The following PID1 variants were observed in gnomAD, a reference collection of about 807,000 sequenced individuals.
The protein encoded by PID1 is PTB-containing, cubilin and LRP1-interacting protein.
PID1 carries 10 observed loss-of-function variants against 19.1 expected under a neutral mutation model. That is an observed-to-expected ratio of 0.52 (90% CI 0.32 to 0.89). The LOEUF (loss-of-function observed/expected upper bound fraction) is 0.89, where lower values mean the gene tolerates loss of function less well. PID1 is among the 40% of genes least tolerant of loss of function. The pLI is 0.03. For synonymous variants in PID1, 130 were observed against 116.0 expected, an observed-to-expected ratio of 1.12 and a Z score of -0.78; for missense variants, 248 against 285.3, an observed-to-expected ratio of 0.87 and a Z score of 0.94.
At chr2:229,250,045 T>C (rs1453170615) in intron 1 of PID1, among the ~76,000 whole-genome samples, 2 of 152,204 alleles carry the variant, frequency 1.3e-5, no homozygotes, top group Non-Finnish European at 2.9e-5. Flanking sequence ...CACTTTTTTA[T>C]AAACACTAAC....
At chr2:229,122,494 G>A (rs1168342745) in intron 2 of PID1, among the ~76,000 whole-genome samples, 1 of 151,954 alleles carries the variant, frequency 6.6e-6, no homozygotes, top group East Asian at 1.9e-4. Context: ...TTTCCCCAGG[G>A]ACACAGCGCC....
chr2:229,190,853 C>T (rs1424166797), intron 1 of PID1, among the ~76,000 whole-genome samples: 1 of 152,162 alleles, frequency 6.6e-6, no homozygotes, highest in African/African-American at 2.4e-5. Flanking sequence ...TACATGCACT[C>T]TCAACAGGGA....
intron 2 of PID1, among the ~76,000 whole-genome samples, chr2:229,089,987 G>T (rs913802831): frequency 1.4e-4 from 22 of 152,146 alleles, no homozygotes; most frequent in African/African-American, 5.3e-4. Context: ...CATTTGGTTA[G>T]AACAAGTTAC....
At chr2:229,114,110 TCTTTC>T (rs1695357862) in intron 2 of PID1, among the ~76,000 whole-genome samples, 1 of 66,050 alleles carries the variant, frequency 1.5e-5, no homozygotes, top group Non-Finnish European at 3.0e-5. Context: ...CATCTCTCTC[TCTTTC>T]TCTCTCTCTC....
chr2:229,049,360 GT>G lies in PID1; in HGVS notation c.178-23253del, dbSNP rs1574584843. On this transcript the variant is annotated intron_variant, in intron 2 of 2. Coordinates refer to ENST00000392055, the MANE Select transcript of PID1 (RefSeq NM_001100818.2). ...ACCCTCTTTGTTTCCACAGAGGGTGGTTTATCTTCTTTCTAATATTTATAGT... is the reference window on the plus strand; with the variant it reads ...ACCCTCTTTGTTTCCACAGAGGGTGGTTATCTTCTTTCTAATATTTATAGT... 2.0e-5 allele frequency among the ~76,000 whole-genome samples: 3 copies of G among 152,202 alleles called. No individual in the cohort carries two copies. In the East Asian group the frequency reaches 5.8e-4, roughly 29 times the overall value.
At chr2:229,235,779 G>A (rs1280912881) in intron 1 of PID1, among the ~76,000 whole-genome samples, 1 of 152,092 alleles carries the variant, frequency 6.6e-6, no homozygotes, top group African/African-American at 2.4e-5. Context: ...CTGGCTAATC[G>A]GCATTCCAGT....
intron 1 of PID1, among the ~76,000 whole-genome samples, chr2:229,172,035 A>G (rs1010172931): frequency 3.3e-5 from 5 of 152,154 alleles, no homozygotes; most frequent in African/African-American, 7.2e-5. Context: ...TGCCTGCAGT[A>G]TCATAGGGAG....
chr2:229,124,799 TG>T (rs1416742400), intron 2 of PID1, among the ~76,000 whole-genome samples: 1 of 152,190 alleles, frequency 6.6e-6, no homozygotes, highest in Non-Finnish European at 1.5e-5. Context: ...AGAGTCTGGG[TG>T]GACAAGTGAC....
intron 2 of PID1, among the ~76,000 whole-genome samples, chr2:229,090,105 T>C (rs1251717957): frequency 1.3e-5 from 2 of 152,198 alleles, no homozygotes; most frequent in Non-Finnish European, 2.9e-5. Context: ...AGATCCTTCA[T>C]TCATATCTCC....
rs182341837 is a variant in PID1 at position 229,209,496 on chromosome 2, T to C, written c.31-53532A>G. Reference sequence around the variant, plus strand: ...ACTTGTGCCAACTAGGTGCAGTCAATGAGGCCACAGGGGCAGTGGAACCAC... The same window carrying C: ...ACTTGTGCCAACTAGGTGCAGTCAACGAGGCCACAGGGGCAGTGGAACCAC... On this transcript the variant is annotated intron_variant, in intron 1 of 2. Coordinates refer to ENST00000392055, the MANE Select transcript of PID1 (RefSeq NM_001100818.2). Among the ~76,000 whole-genome samples the C allele has an allele frequency of 1.6e-4, 25 of 152,284 alleles. No individual in the cohort carries two copies. In the East Asian group the frequency reaches 4.8e-3, roughly 29 times the overall value.
chr2:229,101,065 G>A (rs1393021108), intron 2 of PID1, among the ~76,000 whole-genome samples: 2 of 152,164 alleles, frequency 1.3e-5, no homozygotes, highest in Admixed American at 6.5e-5. Context: ...TGACTAACTA[G>A]GGCCCTCCTC....
At chr2:229,223,617 C>T (rs1692017324) in intron 1 of PID1, among the ~76,000 whole-genome samples, 1 of 152,166 alleles carries the variant, frequency 6.6e-6, no homozygotes, top group Non-Finnish European at 1.5e-5. Context: ...GGGTGGTTAG[C>T]GATGTGGAGT....
At chr2:229,269,718 T>C (rs763351606) in intron 1 of PID1, among the ~76,000 whole-genome samples, 1 of 152,228 alleles carries the variant, frequency 6.6e-6, no homozygotes, top group Non-Finnish European at 1.5e-5. Context: ...CCAGTGCTGA[T>C]ATTCTCTTAG....
intron 2 of PID1, among the ~76,000 whole-genome samples, chr2:229,070,832 G>A (rs1000749471): frequency 6.6e-6 from 1 of 152,146 alleles, no homozygotes; most frequent in African/African-American, 2.4e-5. Context: ...AAAAGCACCA[G>A]GGCTTTCTTA....
At chr2:229,066,361 T>C (rs1694327009) in intron 2 of PID1, among the ~76,000 whole-genome samples, 1 of 152,152 alleles carries the variant, frequency 6.6e-6, no homozygotes, top group African/African-American at 2.4e-5. Context: ...GGGAGGTATT[T>C]CAGTGGGATT....
Position 229,231,922 on chromosome 2 carries a change from T to C in PID1, c.30+39092A>G. 1.9e-6 allele frequency: 3 copies of C among 1,550,448 alleles called. No individual in the cohort carries two copies. The South Asian group carries it at 3.6e-5, about 18-fold the overall frequency. On this transcript the variant is annotated intron_variant, in intron 1 of 2. Coordinates refer to ENST00000392055, the MANE Select transcript of PID1 (RefSeq NM_001100818.2). ...TAAAAAAAAACAGAAATTGATTTTC[T>C]CACCGTTCCGGAGGCTAGGAAGATC...
chr2:229,215,871 T>C (rs1195419229), intron 1 of PID1, among the ~76,000 whole-genome samples: 1 of 152,194 alleles, frequency 6.6e-6, no homozygotes, highest in African/African-American at 2.4e-5. Context: ...CAGTAAACGA[T>C]TTGTGTTGCC....
At chr2:229,054,734 G>GGGGGGGGGTT (rs1559212354) in intron 2 of PID1, among the ~76,000 whole-genome samples, 1 of 62,556 alleles carries the variant, frequency 1.6e-5, no homozygotes, top group Non-Finnish European at 3.1e-5. Flanking sequence ...GGGGGGGGGG[G>GGGGGGGGGTT]TCTGGTTTTA....
chr2:229,133,958 T>C (rs1277650354), intron 2 of PID1, among the ~76,000 whole-genome samples: 1 of 151,686 alleles, frequency 6.6e-6, no homozygotes, highest in Non-Finnish European at 1.5e-5. Context: ...AATTCTTAAC[T>C]AGGGAGAGAA....
Sources: gnomAD v4.1 joint callset for allele counts (sites outside exome capture counted in the v4.1 genomes callset) on GRCh38, gnomAD v4.1.1 for gene constraint, MANE v1.5 for transcripts, NCBI Gene and HGNC (gene_info 2026-07-23, HGNC 2026-07-21) for gene names.